The following AP3B1 variants were observed in gnomAD, a reference collection of about 807,000 sequenced individuals.
AP3B1 encodes the protein adaptor related protein complex 3 subunit beta 1, also known as AP-3 complex subunit beta-1.
In AP3B1, 61 loss-of-function variants were observed where a neutral mutation model predicts 132.5. That is an observed-to-expected ratio of 0.46 (90% CI 0.37 to 0.57). The LOEUF is 0.57. AP3B1 is among the 20% of genes least tolerant of loss of function. The pLI is 0.00. For synonymous variants in AP3B1, 388 were observed against 438.3 expected, an observed-to-expected ratio of 0.89 and a Z score of 1.43; for missense variants, 1,120 against 1,289.4, an observed-to-expected ratio of 0.87 and a Z score of 2.01.
chr5:78,139,938 AG>A (rs1164945721), intron 15 of AP3B1, among the ~76,000 whole-genome samples: 1 of 152,034 alleles, frequency 6.6e-6, no homozygotes, highest in South Asian at 2.1e-4. Flanking sequence ...AAACAAAGAG[AG>A]GGGAGGTGGA....
intron 12 of AP3B1, among the ~76,000 whole-genome samples, chr5:78,165,233 T>C (rs1743563910): frequency 6.6e-6 from 1 of 152,080 alleles, no homozygotes; most frequent in African/African-American, 2.4e-5. Context: ...GTGTCAAAAA[T>C]AGTCATAGGT....
At chr5:78,169,437 A>T (rs1278824145) in intron 11 of AP3B1, among the ~76,000 whole-genome samples, 1 of 152,186 alleles carries the variant, frequency 6.6e-6, no homozygotes, top group Non-Finnish European at 1.5e-5. Context: ...TAAAACACAC[A>T]GTACTAAAAT....
intron 25 of AP3B1, 41 bp downstream of exon 25, chr5:78,020,651 T>C (rs527847744): frequency 7.0e-7 from 1 of 1,430,344 alleles, no homozygotes; most frequent in South Asian, 1.1e-5. Context: ...GCACATATTA[T>C]TTGGTATGTA....
chr5:78,235,671 C>T (rs977220007), intron 3 of AP3B1, among the ~76,000 whole-genome samples: 4 of 152,164 alleles, frequency 2.6e-5, no homozygotes, highest in Admixed American at 6.5e-5. Flanking sequence ...ATTCTCTGAT[C>T]GGTTACTTTC....
chr5:78,110,419 A>C, intron 19 of AP3B1, 65 bp from the exon 20 acceptor site: 6 of 1,306,358 alleles, frequency 4.6e-6, no homozygotes, highest in Admixed American at 2.2e-5. Context: ...TTTATAAAAA[A>C]ATTGTTTTTA....
chr5:78,266,282 G>A (rs1480941533), intron 2 of AP3B1, among the ~76,000 whole-genome samples: 1 of 152,128 alleles, frequency 6.6e-6, no homozygotes, highest in African/African-American at 2.4e-5. Context: ...AGAACTGCCT[G>A]CCCATAAATA....
At chr5:78,075,777 C>T (rs1270086947) in intron 22 of AP3B1, among the ~76,000 whole-genome samples, 1 of 152,228 alleles carries the variant, frequency 6.6e-6, no homozygotes, top group African/African-American at 2.4e-5. Flanking sequence ...GCTTCTTGGT[C>T]ATGCTGCCAA....
At chr5:78,257,713 A>C (rs951272282) in intron 2 of AP3B1, among the ~76,000 whole-genome samples, 5 of 152,214 alleles carry the variant, frequency 3.3e-5, no homozygotes, top group African/African-American at 1.2e-4. Context: ...GAATAGCCAA[A>C]GTTATATTAA....
intron 22 of AP3B1, among the ~76,000 whole-genome samples, chr5:78,061,134 G>T (rs1013339548): frequency 1.6e-4 from 19 of 118,306 alleles, no homozygotes; most frequent in Admixed American, 4.2e-4. Flanking sequence ...GTCAAACATA[G>T]AAAAAAAAAA....
chr5:78,197,397 T>C (rs1745118807), intron 7 of AP3B1, among the ~76,000 whole-genome samples: 1 of 152,062 alleles, frequency 6.6e-6, no homozygotes, highest in Admixed American at 6.5e-5. Context: ...AAAAAATAAC[T>C]CCATGAAGTA....
intron 15 of AP3B1, among the ~76,000 whole-genome samples, chr5:78,130,633 C>A (rs1216934258): frequency 6.6e-6 from 1 of 151,984 alleles, no homozygotes; most frequent in African/African-American, 2.4e-5. Context: ...TTTTTTAAGA[C>A]AATTTGCAAA....
intron 1 of AP3B1, among the ~76,000 whole-genome samples, chr5:78,279,364 A>G (rs1331063748): frequency 6.6e-6 from 1 of 152,178 alleles, no homozygotes; most frequent in African/African-American, 2.4e-5. Flanking sequence ...CAAAGTCTCT[A>G]TGAAGCGTGT....
chr5:78,193,744 T>TTA lies in AP3B1; in HGVS notation c.787-12084_787-12083dup, dbSNP rs10602406. 5.0e-3 allele frequency among the ~76,000 whole-genome samples: 547 copies of TTA among 110,358 alleles called. 6 individuals are homozygous for TTA. Among genetic ancestry groups the TTA allele is most frequent in the East Asian group, 0.033 (125 of 3,824 alleles). The allele number at this position is 110,358 out of a possible 152,430, so 72.4% of individuals were successfully genotyped here. On this transcript the variant is annotated intron_variant, in intron 7 of 26. Transcript: ENST00000255194. Reference sequence around the variant, plus strand: ...TTTTTAAATATTTGTATATATTTTTTTATATATATATATATATATATATAT... The same window carrying TTA: ...TTTTTAAATATTTGTATATATTTTTTTATATATATATATATATATATATATAT...
intron 14 of AP3B1, among the ~76,000 whole-genome samples, chr5:78,153,467 T>C (rs1371540958): frequency 1.3e-5 from 2 of 152,082 alleles, no homozygotes; most frequent in African/African-American, 2.4e-5. Context: ...GTGCTTCTTG[T>C]AGGCACCAGA....
intron 13 of AP3B1, among the ~76,000 whole-genome samples, chr5:78,158,466 A>C (rs1298073966): frequency 6.6e-6 from 1 of 150,698 alleles, no homozygotes; most frequent in Non-Finnish European, 1.5e-5. Context: ...AAACAAAAAA[A>C]AACCTAGTAT....
chr5:78,062,990 T>C (rs1749124971), intron 22 of AP3B1, among the ~76,000 whole-genome samples: 1 of 152,206 alleles, frequency 6.6e-6, no homozygotes, highest in African/African-American at 2.4e-5. Flanking sequence ...CTCTCGGTTC[T>C]CTATGAGCTA....
At chr5:78,150,655 T>C (rs1753603478) in intron 14 of AP3B1, among the ~76,000 whole-genome samples, 2 of 152,198 alleles carry the variant, frequency 1.3e-5, no homozygotes, top group African/African-American at 4.8e-5. Context: ...AATACTATAT[T>C]GTAGGTCCTT....
intron 22 of AP3B1, among the ~76,000 whole-genome samples, chr5:78,046,624 C>T (rs1172652202): frequency 6.6e-6 from 1 of 151,938 alleles, no homozygotes; most frequent in African/African-American, 2.4e-5. Flanking sequence ...GTTCATTGTC[C>T]AGGATTAGAA....
intron 2 of AP3B1, among the ~76,000 whole-genome samples, chr5:78,247,091 A>G (rs1000865935): frequency 1.3e-5 from 2 of 151,792 alleles, no homozygotes; most frequent in African/African-American, 4.8e-5. Flanking sequence ...TTCTAAATGT[A>G]TAAGTTTGAT....
Sources: allele counts gnomAD v4.1 joint callset (sites outside exome capture counted in the v4.1 genomes callset), GRCh38; gene constraint gnomAD v4.1.1; transcripts MANE v1.5; gene names NCBI Gene and HGNC (gene_info 2026-07-23, HGNC 2026-07-21).